CPLANE1: variants seen among roughly 807,000 people sequenced by gnomAD.
CPLANE1 encodes the protein ciliogenesis and planar polarity effector 1.
A neutral mutation model predicts 362.5 loss-of-function variants in CPLANE1; 263 were observed. The observed-to-expected ratio is 0.73, with a 90% confidence interval of 0.66 to 0.80. The LOEUF (loss-of-function observed/expected upper bound fraction) is 0.80, where lower values mean the gene tolerates loss of function less well. Ranked by LOEUF, CPLANE1 falls within the 30% of genes least tolerant of loss-of-function variation. The pLI is 0.00. For missense variants in CPLANE1, 3,461 were observed against 3,793.4 expected, an observed-to-expected ratio of 0.91 and a Z score of 2.30; for synonymous variants, 1,212 against 1,302.6, an observed-to-expected ratio of 0.93 and a Z score of 1.50.
chr5:37,201,404 C>T (rs1789149168), intron 19 of CPLANE1, among the ~76,000 whole-genome samples, 187 bp downstream of exon 19: 1 of 152,152 alleles, frequency 6.6e-6, no homozygotes, highest in Non-Finnish European at 1.5e-5. Flanking sequence ...TTAACCGATA[C>T]GGAAACTTAA....
At chr5:37,240,757 A>C (rs922198169) in intron 6 of CPLANE1, among the ~76,000 whole-genome samples, 3 of 152,212 alleles carry the variant, frequency 2.0e-5, no homozygotes, top group African/African-American at 7.2e-5. Context: ...GTCTGTGCAC[A>C]AAAGAGAACC....
At chr5:37,131,467 T>C (rs1047618684) in intron 46 of CPLANE1, among the ~76,000 whole-genome samples, 5 of 152,218 alleles carry the variant, frequency 3.3e-5, no homozygotes, top group African/African-American at 1.2e-4. Flanking sequence ...CAAACACTGA[T>C]ATAACTTGGT....
At chr5:37,078,091 C>G in the CPLANE1 span, among the ~76,000 whole-genome samples, 3 of 151,582 alleles carry the variant, frequency 2.0e-5, no homozygotes, top group East Asian at 5.8e-4. Context: ...GCAGGATGTG[C>G]AGGTTTGTTA....
intron 32 of CPLANE1, among the ~76,000 whole-genome samples, chr5:37,172,166 A>G (rs1315613946): frequency 6.6e-6 from 1 of 152,192 alleles, no homozygotes; most frequent in Middle Eastern, 3.2e-3. Flanking sequence ...GATTGATATC[A>G]TATATTATAC....
intron 43 of CPLANE1, among the ~76,000 whole-genome samples, chr5:37,147,971 CAA>C (rs11284644): frequency 6.5e-5 from 1 of 15,312 alleles, no homozygotes; most frequent in Non-Finnish European, 1.8e-4. Flanking sequence ...ACTGCCTTCT[CAA>C]AAAAAAAAAA....
At chr5:37,195,747 C>T (rs1787222925) in intron 21 of CPLANE1, 111 bp downstream of exon 21, 1 of 1,026,748 alleles carries the variant, frequency 9.7e-7, no homozygotes, top group South Asian at 2.0e-5. Flanking sequence ...CTTGTAAACA[C>T]AAAGTAAAAT....
At chr5:37,212,949 ACGCCTATAATCC>A (rs1379987700) in intron 16 of CPLANE1, among the ~76,000 whole-genome samples, 1 of 152,206 alleles carries the variant, frequency 6.6e-6, no homozygotes, top group East Asian at 1.9e-4. Context: ...CACGTGGCGC[ACGCCTATAATCC>A]CAGCAGGGAG....
rs563154300 is a variant in CPLANE1, at chr5:37,246,150, A to G, written c.82-305T>C. 2.1e-4 allele frequency: 27 copies of G among 128,778 alleles called. 1 individual carries two copies. The South Asian group carries it at 7.8e-3, about 37-fold the overall frequency. The allele number at this position is 128,778 out of a possible 1,614,324, so 8.0% of individuals were successfully genotyped here. A position where few individuals can be genotyped will look rare whatever the true frequency, so the allele number is the denominator to read the frequency against. On this transcript the variant is annotated intron_variant, in intron 2 of 52. Transcript: ENST00000651892. ...CCAAAACTGGCTTATCTACTTTTTA[A>G]TCTTTTTTTTTTTTTTTTTTTAAGA...
At chr5:37,172,241 T>C (rs182194667) in intron 32 of CPLANE1, among the ~76,000 whole-genome samples, 1 of 152,272 alleles carries the variant, frequency 6.6e-6, no homozygotes, top group Admixed American at 6.5e-5. Flanking sequence ...AAATAATACC[T>C]GAAGAAAGTG....
At chr5:37,104,946 T>C (rs1305988753), downstream of CPLANE1, among the ~76,000 whole-genome samples, 2 of 151,726 alleles carry the variant, frequency 1.3e-5, no homozygotes, top group Non-Finnish European at 2.9e-5. Context: ...TAGTACACAG[T>C]TACAAAAACA....
chr5:37,167,818 T>TTA (rs1434656240), intron 34 of CPLANE1, among the ~76,000 whole-genome samples: 1 of 152,086 alleles, frequency 6.6e-6, no homozygotes, highest in Non-Finnish European at 1.5e-5. Context: ...ATAAATGAAA[T>TTA]TATATAATGT....
intron 43 of CPLANE1, among the ~76,000 whole-genome samples, chr5:37,146,484 C>T (rs1401631775): frequency 6.6e-6 from 1 of 151,936 alleles, no homozygotes; most frequent in Non-Finnish European, 1.5e-5. Context: ...GCCTAAAAGA[C>T]TATTTTTTGA....
At chr5:37,226,116 T>C (rs535179024) in intron 12 of CPLANE1, among the ~76,000 whole-genome samples, 188 bp downstream of exon 12, 1 of 152,276 alleles carries the variant, frequency 6.6e-6, no homozygotes, top group South Asian at 2.1e-4. Flanking sequence ...AAAAGATTTC[T>C]TTCTGGGGTG....
the CPLANE1 span, chr5:37,085,668 G>A: frequency 9.2e-7 from 1 of 1,091,084 alleles, no homozygotes; most frequent in Admixed American, 1.7e-5. Context: ...AGGCACCCTG[G>A]ATCTTTTGAC....
chr5:37,182,358 G>A (rs543630521), intron 26 of CPLANE1, among the ~76,000 whole-genome samples: 33 of 152,180 alleles, frequency 2.2e-4, no homozygotes, highest in Non-Finnish European at 4.4e-4. Flanking sequence ...TCTGGCCTGA[G>A]AGTATAAGAA....
intron 9 of CPLANE1, 82 bp from the exon 10 acceptor site, chr5:37,227,899 A>C: frequency 7.5e-7 from 1 of 1,327,582 alleles, no homozygotes; most frequent in Non-Finnish European, 1.0e-6. Context: ...AAAAGAAGAA[A>C]AAGTTACAGA....
chr5:37,122,188 T>C (rs532477255), intron 48 of CPLANE1, among the ~76,000 whole-genome samples: 86 of 152,226 alleles, frequency 5.6e-4, no homozygotes, highest in South Asian at 5.6e-3. Flanking sequence ...AATATCTGGG[T>C]TGGGAAAGGG....
chr5:37,164,286 G>A lies in CPLANE1; in HGVS notation c.7575C>T (p.Phe2525=), dbSNP rs763759101. The change falls in exon 37 of 53, where the codon TTC becomes TTT. Residue 2525 remains phenylalanine (F), a synonymous_variant. Coordinates refer to ENST00000651892, the MANE Select transcript of CPLANE1 (RefSeq NM_001384732.1). ...ACACATACATACCAAAAGGAACGTCGAAGTCATCCAAAGGATGGGAACCAC... is the reference window on the plus strand; with the variant it reads ...ACACATACATACCAAAAGGAACGTCAAAGTCATCCAAAGGATGGGAACCAC... ...EHCGSHPLDD[F]DVPFEMLQDD... 1.3e-5 allele frequency: 21 copies of A among 1,612,358 alleles called. No homozygotes were observed. The highest frequency in any genetic ancestry group is 7.7e-5 in the South Asian group (7 of 91,016).
chr5:37,244,755 A>C, intron 4 of CPLANE1, 148 bp from the exon 5 acceptor site: 3 of 611,808 alleles, frequency 4.9e-6, no homozygotes, highest in Non-Finnish European at 5.6e-6. Context: ...AAAAAATACA[A>C]TCCAGGCACG....
Sources: allele counts gnomAD v4.1 joint callset (sites outside exome capture counted in the v4.1 genomes callset), GRCh38; gene constraint gnomAD v4.1.1; transcripts MANE v1.5; gene names NCBI Gene and HGNC (gene_info 2026-07-23, HGNC 2026-07-21).